Variants in FRK observed in about 807,000 individuals in gnomAD.
FRK encodes tyrosine-protein kinase FRK.
Under a neutral mutation model 56.4 loss-of-function variants are expected in FRK, and 51 were observed. That is an observed-to-expected ratio of 0.90 (90% CI 0.72 to 1.14). The LOEUF (loss-of-function observed/expected upper bound fraction) is 1.14, where lower values mean the gene tolerates loss of function less well. FRK is among the 50% of genes most tolerant of loss of function. The pLI, the probability that FRK is intolerant of heterozygous loss-of-function variation, is 0.00. For missense variants in FRK, 570 were observed against 601.4 expected (o/e 0.95, Z 0.55); for synonymous variants, 245 against 217.9 (o/e 1.12, Z -1.10).
chr6:115,993,647 G>A (rs1774707289), intron 2 of FRK, among the ~76,000 whole-genome samples: 1 of 151,698 alleles, frequency 6.6e-6, no homozygotes, highest in South Asian at 2.1e-4. Context: ...AAAAATTAAG[G>A]GCAAATGTAA....
At chr6:116,021,006 T>C (rs1259637749) in intron 1 of FRK, among the ~76,000 whole-genome samples, 1 of 152,156 alleles carries the variant, frequency 6.6e-6, no homozygotes, top group Non-Finnish European at 1.5e-5. Context: ...AAAAGTTCAG[T>C]GGTTTCATGT....
chr6:116,083,878 C>T, the FRK span, among the ~76,000 whole-genome samples: 9 of 149,560 alleles, frequency 6.0e-5, no homozygotes, highest in South Asian at 1.9e-3. Flanking sequence ...CCAGGCTGGT[C>T]TCAAATTCCT....
chr6:115,987,163 G>A (rs544819599), intron 2 of FRK, among the ~76,000 whole-genome samples: 12 of 152,072 alleles, frequency 7.9e-5, no homozygotes, highest in African/African-American at 2.9e-4. Context: ...GATTTTGCTC[G>A]CTATGTGCCA....
At chr6:115,954,547 G>A (rs1211677281) in intron 5 of FRK, among the ~76,000 whole-genome samples, 1 of 152,166 alleles carries the variant, frequency 6.6e-6, no homozygotes, top group African/African-American at 2.4e-5. Flanking sequence ...TAGAGATGAT[G>A]CCAAGGTATT....
At chr6:115,973,857 C>A (rs543388300) in intron 2 of FRK, among the ~76,000 whole-genome samples, 3 of 137,666 alleles carry the variant, frequency 2.2e-5, no homozygotes, top group African/African-American at 5.5e-5. Context: ...GGCAACAGAG[C>A]GAGACACAGT....
intron 4 of FRK, among the ~76,000 whole-genome samples, chr6:115,957,631 T>C (rs1186689898): frequency 6.6e-6 from 1 of 152,240 alleles, no homozygotes; most frequent in African/African-American, 2.4e-5. Flanking sequence ...AAGGCAAAAC[T>C]ATGACTTGTT....
At chr6:116,085,256 G>A in the FRK span, among the ~76,000 whole-genome samples, 9,359 of 152,136 alleles carry the variant, frequency 0.062, 432 homozygotes, top group Admixed American at 0.14. Flanking sequence ...GGATAGGTTG[G>A]TACATACCGC....
Position 115,967,534 on chromosome 6 carries a change from C to T in FRK, c.799+17G>A, listed in dbSNP as rs1372810362. The T allele has an allele frequency of 7.4e-6, 12 of 1,610,754 alleles. No individual in the cohort carries two copies. The highest frequency in any genetic ancestry group is 3.3e-5 in the Admixed American group (2 of 59,746). On this transcript the variant is annotated intron_variant, in intron 4 of 7. Coordinates refer to ENST00000606080, the MANE Select transcript of FRK (RefSeq NM_002031.3). ...TAAAAATCAACATATGCCATTTAAC[C>T]TTTATTGTTCTCGCACCTGGTTTTA...
At chr6:115,944,519 G>T in intron 5 of FRK, 94 bp from the exon 6 acceptor site, 2 of 903,652 alleles carry the variant, frequency 2.2e-6, no homozygotes. Flanking sequence ...AGCTATCAGT[G>T]AGATTAAGTA....
intron 2 of FRK, among the ~76,000 whole-genome samples, chr6:115,988,423 G>A (rs1043555228): frequency 3.9e-5 from 6 of 151,926 alleles, no homozygotes; most frequent in Non-Finnish European, 7.4e-5. Context: ...GCTACTGTAT[G>A]GAAGTGGTTT....
At chr6:116,077,488 G>T in the FRK span, among the ~76,000 whole-genome samples, 1 of 152,126 alleles carries the variant, frequency 6.6e-6, no homozygotes, top group Non-Finnish European at 1.5e-5. Context: ...ATTCAAATTT[G>T]TAATTTGATC....
the FRK span, among the ~76,000 whole-genome samples, chr6:116,067,543 C>T: frequency 6.6e-6 from 1 of 152,150 alleles, no homozygotes; most frequent in South Asian, 2.1e-4. Flanking sequence ...TAGAGCTTAA[C>T]CTGTTATAGG....
chr6:116,092,033 A>C, the FRK span, among the ~76,000 whole-genome samples: 1 of 152,124 alleles, frequency 6.6e-6, no homozygotes, highest in Non-Finnish European at 1.5e-5. Context: ...CCATTCTCCG[A>C]GGCTAGTCCC....
chr6:115,950,901 C>T (rs986671194), intron 5 of FRK, among the ~76,000 whole-genome samples: 3 of 152,294 alleles, frequency 2.0e-5, no homozygotes, highest in African/African-American at 7.2e-5. Flanking sequence ...CCATCATTCT[C>T]AGCAAACTAA....
chr6:116,030,761 C>T (rs913119212), intron 1 of FRK, among the ~76,000 whole-genome samples: 14 of 152,142 alleles, frequency 9.2e-5, no homozygotes, highest in East Asian at 1.9e-4. Flanking sequence ...CATTGGTAAA[C>T]GTGTTTCCCT....
chr6:115,958,753 AAG>A (rs60689351), intron 4 of FRK, among the ~76,000 whole-genome samples: 3 of 40,268 alleles, frequency 7.5e-5, no homozygotes, highest in South Asian at 1.5e-3. Context: ...GAAAGAAAGA[AAG>A]AAAGAAAGAA....
chr6:116,062,868 C>A (rs1777672776), upstream of FRK, among the ~76,000 whole-genome samples: 2 of 152,190 alleles, frequency 1.3e-5, no homozygotes, highest in Admixed American at 1.3e-4. Context: ...TCTGCTCAGT[C>A]TTCCTTTTCA....
chr6:116,018,838 G>A (rs754655897), intron 1 of FRK, among the ~76,000 whole-genome samples: 2 of 151,972 alleles, frequency 1.3e-5, no homozygotes, highest in Admixed American at 6.6e-5. Flanking sequence ...AATCTGACCT[G>A]TTCACTGTGA....
At chr6:115,967,749 TA>T (rs11398565) in intron 3 of FRK, 30 bp from the exon 4 acceptor site, 31,836 of 1,197,980 alleles carry the variant, frequency 0.027, 109 homozygotes, top group Admixed American at 0.031. Flanking sequence ...GAGCAATTGT[TA>T]AAAAAAAAAA....
Sources: gnomAD v4.1 joint callset for allele counts (sites outside exome capture counted in the v4.1 genomes callset) on GRCh38, gnomAD v4.1.1 for gene constraint, MANE v1.5 for transcripts, NCBI Gene and HGNC (gene_info 2026-07-23, HGNC 2026-07-21) for gene names.